Variants in OGT observed in about 807,000 individuals in gnomAD.
OGT encodes UDP-N-acetylglucosamine--peptide N-acetylglucosaminyltransferase 110 kDa subunit.
A neutral mutation model predicts 75.8 loss-of-function variants in OGT; 3 were observed. The observed-to-expected ratio is 0.04, with a 90% confidence interval of 0.02 to 0.10. The LOEUF is 0.10. Ranked by LOEUF, OGT falls within the 10% of genes least tolerant of loss-of-function variation. The probability of loss-of-function intolerance (pLI) is 1.00; values close to 1 mark genes in which losing one functional copy is unlikely to be tolerated. For synonymous variants in OGT, 257 were observed against 289.7 expected (o/e 0.89, Z 1.15); for missense variants, 260 against 824.4 (o/e 0.32, Z 8.38).
chrX:71,570,409 T>C (rs1272293150), intron 21 of OGT, among the ~76,000 whole-genome samples: 1 of 111,704 alleles, frequency 9.0e-6, no homozygotes, highest in African/African-American at 3.3e-5. Context: ...TTCTGAGAAG[T>C]AGCATATTAC....
rs12010797 is a variant in OGT, at chrX:71,536,468, G to C, written c.218+110G>C. ...ATTTTTCCAGTACCGGGTTTCAACT[G>C]AGCCGCCAACGCACATCTGCTCTCT... On this transcript the variant is annotated intron_variant, in intron 2 of 21. Coordinates refer to ENST00000373719, the MANE Select transcript of OGT (RefSeq NM_181672.3). 1.8e-3 allele frequency: 1,145 copies of C among 619,610 alleles called. 10 individuals carry two copies. The African/African-American group carries it at 0.024, about 13-fold the overall frequency. The allele number at this position is 619,610 out of a possible 1,213,427, so 51.1% of individuals were successfully genotyped here.
chrX:71,552,650 G>T, intron 5 of OGT, among the ~76,000 whole-genome samples: 1 of 110,294 alleles, frequency 9.1e-6, no homozygotes, highest in Non-Finnish European at 1.9e-5. Context: ...CTCTCAAAGT[G>T]CTAGGATTAC....
At position 71,533,127 on chromosome X, in the gene OGT, T is replaced by C. The variant is rs1158372345; in HGVS notation, c.-173T>C. Reference sequence around the variant, plus strand: ...CCATTTCAAGACCGTACTAGGTAGATGGTCAATTAGAGTTCCCAGGGTTTG... The same window carrying C: ...CCATTTCAAGACCGTACTAGGTAGACGGTCAATTAGAGTTCCCAGGGTTTG... On this transcript the variant is annotated 5_prime_UTR_variant, in exon 1 of 22. The change abolishes an upstream ATG in the 5' untranslated region. Transcript: ENST00000373719. 8.5e-6 allele frequency: 4 copies of C among 469,109 alleles called. No individual in the cohort carries two copies. The highest frequency in any genetic ancestry group is 1.5e-5 in the Non-Finnish European group (4 of 265,323). The allele number at this position is 469,109 out of a possible 1,213,427, so 38.7% of individuals were successfully genotyped here.
At position 71,555,238 on chromosome X, in the gene OGT, A is replaced by G; in HGVS notation, c.777A>G (p.Ala259=). 2 of 1,208,908 alleles carry G rather than the reference A, an allele frequency of 1.7e-6. No individual in the cohort carries two copies. Among genetic ancestry groups the G allele is most frequent in the Non-Finnish European group, 2.2e-6 (2 of 894,779 alleles). Residue 259 remains alanine, a synonymous_variant, in exon 7 of 22, where the codon GCA becomes GCG. Transcript: ENST00000373719. ...CCCTAAGTTTGAGTCCAAATCACGCAGTGGTGCACGGCAACCTGGCTTGTG... is the reference window on the plus strand; with the variant it reads ...CCCTAAGTTTGAGTCCAAATCACGCGGTGGTGCACGGCAACCTGGCTTGTG... The part of the protein sequence containing the change: ...LRALSLSPNH[A]VVHGNLACVY...
Position 71,533,117 on chromosome X carries a change from A to G in OGT, c.-183A>G, listed in dbSNP as rs2040145259. On this transcript the variant is annotated 5_prime_UTR_variant, in exon 1 of 22. Transcript: ENST00000373719. ...GCCGTCGCCGCCATTTCAAGACCGT[A>G]CTAGGTAGATGGTCAATTAGAGTTC... is the stretch of plus-strand genomic sequence containing the variant. 1 of 459,077 alleles carries G rather than the reference A, an allele frequency of 2.2e-6. No homozygotes were observed. The highest frequency in any genetic ancestry group is 3.9e-6 in the Non-Finnish European group (1 of 258,757). 37.8% of individuals were successfully genotyped at this position (459,077 alleles called of 1,213,427 possible).
Position 71,567,764 on chromosome X carries a change from A to G in OGT, c.2842+12A>G, listed in dbSNP as rs1569430768. The stretch of plus-strand genomic sequence containing the variant: ...GGTGACTATGCCAGGTAAGTTGCTG[A>G]TAAATCACTGGAATCTTCCTTGTTC... On this transcript the variant is annotated intron_variant, in intron 20 of 21. Coordinates refer to ENST00000373719, the MANE Select transcript of OGT (RefSeq NM_181672.3). 1.7e-6 allele frequency: 2 copies of G among 1,179,230 alleles called. No homozygotes were observed. The highest frequency in any genetic ancestry group is 6.0e-5 in the East Asian group (2 of 33,345).
rs2040145773 is a variant in OGT at position 71,533,148 on chromosome X, G to A, written c.-152G>A. Reference sequence around the variant, plus strand: ...TAGATGGTCAATTAGAGTTCCCAGGGTTTGAAGCCTGTAACTGCTGCCGCC... The same window carrying A: ...TAGATGGTCAATTAGAGTTCCCAGGATTTGAAGCCTGTAACTGCTGCCGCC... On this transcript the variant is annotated 5_prime_UTR_variant, in exon 1 of 22. Coordinates refer to ENST00000373719, the MANE Select transcript of OGT (RefSeq NM_181672.3). The A allele has an allele frequency of 1.9e-6, 1 of 525,195 alleles. No individual in the cohort carries two copies. Among genetic ancestry groups the A allele is most frequent in the Admixed American group, 2.9e-5 (1 of 35,057 alleles). 43.3% of individuals were successfully genotyped at this position (525,195 alleles called of 1,213,427 possible). A position where few individuals can be genotyped will look rare whatever the true frequency, so the allele number is the denominator to read the frequency against.
rs143784248 is a variant in OGT, at chrX:71,557,606, A to C, written c.1536A>C (p.Leu512=). Residue 512 remains leucine (L), a synonymous_variant, in exon 12 of 22, where the codon CTA becomes CTC. Transcript: ENST00000373719. ...CTGTGCATCCTCATCATAGTATGCTATATCCTCTTTCTCATGGCTTCAGGA... is the reference window on the plus strand; with the variant it reads ...CTGTGCATCCTCATCATAGTATGCTCTATCCTCTTTCTCATGGCTTCAGGA... ...LPSVHPHHSM[L]YPLSHGFRKA... 3 of 1,208,379 alleles carry C rather than the reference A, an allele frequency of 2.5e-6. No homozygotes were observed. Among genetic ancestry groups the C allele is most frequent in the Non-Finnish European group, 3.4e-6 (3 of 893,702 alleles).
At chrX:71,537,569 C>T in intron 2 of OGT, among the ~76,000 whole-genome samples, 2 of 112,759 alleles carry the variant, frequency 1.8e-5, no homozygotes, top group Non-Finnish European at 1.9e-5. Flanking sequence ...TCCCAAAGTG[C>T]TGGGATTACA....
chrX:71,549,728 C>T (rs761049969), intron 5 of OGT, among the ~76,000 whole-genome samples: 30 of 111,528 alleles, frequency 2.7e-4, no homozygotes, highest in African/African-American at 9.8e-4. Flanking sequence ...AACTGCACTC[C>T]AGCCTGGGTG....
At chrX:71,570,662 G>A (rs956643357) in intron 21 of OGT, among the ~76,000 whole-genome samples, 1 of 111,430 alleles carries the variant, frequency 9.0e-6, no homozygotes, top group African/African-American at 3.3e-5. Flanking sequence ...GCAGATGTTA[G>A]CTACTTATTA....
chrX:71,543,035 C>T (rs1449157089), intron 3 of OGT, among the ~76,000 whole-genome samples: 2 of 111,338 alleles, frequency 1.8e-5, no homozygotes, highest in African/African-American at 6.5e-5. Flanking sequence ...GGAACTGACC[C>T]AGTATGGCTG....
intron 4 of OGT, chrX:71,547,035 G>A (rs1355658345): frequency 7.9e-6 from 6 of 754,767 alleles, no homozygotes; most frequent in Non-Finnish European, 9.4e-6. Context: ...GTTCTATGTA[G>A]CGCAGCAGTT....
intron 19 of OGT, among the ~76,000 whole-genome samples, chrX:71,565,340 C>T (rs1189520712): frequency 3.6e-5 from 4 of 110,944 alleles, no homozygotes; most frequent in Non-Finnish European, 5.7e-5. Flanking sequence ...TATTCTTGTG[C>T]CTCAGCCTTC....
At chrX:71,554,422 A>G in intron 5 of OGT, 91 bp from the exon 6 acceptor site, 1 of 554,698 alleles carries the variant, frequency 1.8e-6, no homozygotes, top group South Asian at 2.9e-5. Flanking sequence ...GAAAGTCTGC[A>G]AGGACCTTGG....
chrX:71,563,596 C>T, intron 18 of OGT, 97 bp downstream of exon 18: 1 of 653,045 alleles, frequency 1.5e-6, no homozygotes, highest in African/African-American at 2.2e-5. Flanking sequence ...TCATTATCAC[C>T]ATTTTTATGG....
intron 8 of OGT, 55 bp from the exon 9 acceptor site, chrX:71,556,625 T>C (rs898547414): frequency 9.5e-6 from 7 of 739,711 alleles, no homozygotes; most frequent in Non-Finnish European, 1.2e-5. Context: ...TGGTGAATTA[T>C]TACTGCTGCT....
chrX:71,562,006 G>A (rs1173279598), intron 15 of OGT, 106 bp downstream of exon 15: 1 of 817,686 alleles, frequency 1.2e-6, no homozygotes, highest in Non-Finnish European at 1.7e-6. Flanking sequence ...CTGTAGGGCA[G>A]ACATACTTTT....
intron 4 of OGT, chrX:71,546,864 A>C: frequency 1.3e-6 from 1 of 755,137 alleles, no homozygotes; most frequent in Non-Finnish European, 1.6e-6. Flanking sequence ...CTAGATGAGT[A>C]ATCTGATTGA....
Sources: gnomAD v4.1 joint callset for allele counts (sites outside exome capture counted in the v4.1 genomes callset) on GRCh38, gnomAD v4.1.1 for gene constraint, MANE v1.5 for transcripts, NCBI Gene and HGNC (gene_info 2026-07-23, HGNC 2026-07-21) for gene names.